Variants in EFNA4 observed in about 807,000 individuals in gnomAD.
The protein encoded by EFNA4 is ephrin-A4.
Under a neutral mutation model 23.7 loss-of-function variants are expected in EFNA4, and 22 were observed. The observed-to-expected ratio is 0.93, with a 90% CI of 0.66 to 1.32. The LOEUF (loss-of-function observed/expected upper bound fraction) is 1.32. EFNA4 is among the 40% of genes most tolerant of loss of function. The pLI, the probability that EFNA4 is intolerant of heterozygous loss-of-function variation, is 0.00. For synonymous variants in EFNA4, 113 were observed against 108.3 expected (o/e 1.04, Z -0.27); for missense variants, 252 against 252.3 (o/e 1.00, Z 0.01).
In EFNA4 at chr1:155,067,434, G is replaced by A. The variant is rs780848551; in HGVS notation, c.463G>A (p.Glu155Lys). Residue 155 changes from glutamate to lysine, a missense_variant, in exon 3 of 4, where the codon GAG (glutamate) becomes AAG (lysine). Glu to Lys is a moderately conservative substitution (Grantham distance 56). Transcript: ENST00000368409. ...GCTCCAGGTGTCTGTCTGCTGCAAG[G>A]AGAGGAGTAAGTGGGTTGGGAGCAT... The part of the protein sequence containing the change: ...LRLQVSVCCK[E>K]RKSESAHPVG... 2.1e-5 allele frequency: 34 copies of A among 1,614,058 alleles called. No individual in the cohort carries two copies. Among genetic ancestry groups the A allele is most frequent in the African/African-American group, 2.7e-5 (2 of 74,918 alleles).
intron 1 of EFNA4, among the ~76,000 whole-genome samples, chr1:155,065,104 A>G (rs1662977268): frequency 6.6e-6 from 1 of 152,210 alleles, no homozygotes; most frequent in Non-Finnish European, 1.5e-5. Flanking sequence ...ACAAATATTT[A>G]TTGAACACTG....
Position 155,063,754 on chromosome 1 carries a change from T to C in EFNA4, c.-70T>C. On this transcript the variant is annotated 5_prime_UTR_variant, in exon 1 of 4. Transcript: ENST00000368409. This position sits in a 1 kb window ranked among gnomAD's most constrained non-coding sequence, Gnocchi z 4.1. The stretch of plus-strand genomic sequence containing the variant: ...TTCCGCAACTTCCCTCTTCACTTTG[T>C]ACCTTTCTCTCCTCGACTGTGAAGC... 2 of 1,360,602 alleles carry C rather than the reference T, an allele frequency of 1.5e-6. No homozygotes were observed. Among genetic ancestry groups the C allele is most frequent in the Non-Finnish European group, 2.0e-6 (2 of 1,023,544 alleles). 84.3% of individuals were successfully genotyped at this position (1,360,602 alleles called of 1,614,324 possible).
rs780960543 is a variant in EFNA4, at chr1:155,063,847, G to C, written c.24G>C (p.Arg8=). The change falls in exon 1 of 4, where the codon CGG becomes CGC. Residue 8 remains arginine, a synonymous_variant. Coordinates refer to ENST00000368409, the MANE Select transcript of EFNA4 (RefSeq NM_005227.3). The surrounding 1 kb of genome is among the most constrained non-coding windows in gnomAD (Gnocchi z 4.1). ...CGATGCGGCTGCTGCCCCTGCTGCG[G>C]ACTGTCCTCTGGGCCGCGTTCCTCG... MRLLPLL[R]TVLWAAFLGS... is the part of the protein sequence containing the mutation. 1.9e-6 allele frequency: 3 copies of C among 1,547,406 alleles called. No homozygotes were observed. The South Asian group carries it at 3.6e-5, about 19-fold the overall frequency.
At position 155,066,850 on chromosome 1, in the gene EFNA4, GGACT is replaced by G; in HGVS notation, c.236_239del (p.Asp79GlyfsTer66). 6.2e-7 allele frequency: 1 copy of G among 1,614,054 alleles called. No individual in the cohort carries two copies. The highest frequency in any genetic ancestry group is 8.5e-7 in the Non-Finnish European group (1 of 1,180,024). On this transcript the variant is annotated frameshift_variant, in exon 2 of 4. Coordinates refer to ENST00000368409, the MANE Select transcript of EFNA4 (RefSeq NM_005227.3). LOFTEE classifies it high-confidence loss of function. Reference sequence around the variant, plus strand: ...CCGAGACGTTTGCTTTGTACATGGTGGACTGGCCAGGCTATGAGTCCTGCCAGGC... The same window carrying G: ...CCGAGACGTTTGCTTTGTACATGGTGGGCCAGGCTATGAGTCCTGCCAGGC...
Position 155,066,690 on chromosome 1 carries a change from G to A in EFNA4, c.114-40G>A. On this transcript the variant is annotated intron_variant, in intron 1 of 3. Coordinates refer to ENST00000368409, the MANE Select transcript of EFNA4 (RefSeq NM_005227.3). ...CTGGCATCCATGGCCATGGCGTGGT[G>A]CCCTCCACTCCTCAGCCCACCCCTG... 2.0e-6 allele frequency: 3 copies of A among 1,527,648 alleles called. No individual in the cohort carries two copies. The South Asian group carries it at 3.9e-5, about 20-fold the overall frequency. The allele number at this position is 1,527,648 out of a possible 1,614,324, so 94.6% of individuals were successfully genotyped here.
In EFNA4 at chr1:155,069,385, C is replaced by CT. The variant is rs1663128555; in HGVS notation, c.*397dup. 5.4e-6 allele frequency: 3 copies of CT among 555,608 alleles called. No individual in the cohort carries two copies. The highest frequency in any genetic ancestry group is 9.1e-6 in the Non-Finnish European group (3 of 328,152). 34.4% of individuals were successfully genotyped at this position (555,608 alleles called of 1,614,324 possible). On this transcript the variant is annotated 3_prime_UTR_variant, in exon 4 of 4. Transcript: ENST00000368409. The stretch of plus-strand genomic sequence containing the variant: ...AAGAAGAAGCCCTGCCATCTGTGCC[C>CT]TGTGGGCCTTTTCCCTGGGGCAGCA...
At chr1:155,067,087 G>A in intron 2 of EFNA4, 71 bp downstream of exon 2, 1 of 1,519,242 alleles carries the variant, frequency 6.6e-7, no homozygotes. Flanking sequence ...GAGAGGCCTG[G>A]AAGGAGGAGG....
Position 155,063,747 on chromosome 1 carries a change from C to T in EFNA4, c.-77C>T. The T allele has an allele frequency of 7.6e-7, 1 of 1,313,442 alleles. No individual in the cohort carries two copies. The highest frequency in any genetic ancestry group is 1.0e-6 in the Non-Finnish European group (1 of 990,086). The allele number at this position is 1,313,442 out of a possible 1,614,324, so 81.4% of individuals were successfully genotyped here. On this transcript the variant is annotated 5_prime_UTR_variant, in exon 1 of 4. Transcript: ENST00000368409. The surrounding 1 kb of genome is among the most constrained non-coding windows in gnomAD (Gnocchi z 4.1). Reference sequence around the variant, plus strand: ...CTCCCCTTTCCGCAACTTCCCTCTTCACTTTGTACCTTTCTCTCCTCGACT... The same window carrying T: ...CTCCCCTTTCCGCAACTTCCCTCTTTACTTTGTACCTTTCTCTCCTCGACT...
chr1:155,068,427 ATTTTTTTT>A (rs71077978), intron 3 of EFNA4, among the ~76,000 whole-genome samples: 7 of 25,376 alleles, frequency 2.8e-4, no homozygotes, highest in South Asian at 5.6e-3. Context: ...CACCCAGCTG[ATTTTTTTT>A]TTTTTTTTTT....
chr1:155,063,992 GC>G lies in EFNA4; in HGVS notation c.113+57del. 1 of 1,409,818 alleles carries G rather than the reference GC, an allele frequency of 7.1e-7. No individual in the cohort carries two copies. Among genetic ancestry groups the G allele is most frequent in the Admixed American group, 2.8e-5 (1 of 35,556 alleles). 87.3% of individuals were successfully genotyped at this position (1,409,818 alleles called of 1,614,324 possible). Reference sequence around the variant, plus strand: ...CCAAGTCTGCGCGCTCCCGGGCTTTGCGCGCGCCCGCCACCCGCTCTTTGCG... The same window carrying G: ...CCAAGTCTGCGCGCTCCCGGGCTTTGGCGCGCCCGCCACCCGCTCTTTGCG... On this transcript the variant is annotated intron_variant, in intron 1 of 3. Coordinates refer to ENST00000368409, the MANE Select transcript of EFNA4 (RefSeq NM_005227.3). The surrounding 1 kb of genome is among the most constrained non-coding windows in gnomAD (Gnocchi z 4.1).
At position 155,065,890 on chromosome 1, in the gene EFNA4, G is replaced by A. The variant is rs549115014; in HGVS notation, c.114-840G>A. 4.6e-5 allele frequency among the ~76,000 whole-genome samples: 7 copies of A among 151,942 alleles called. No individual in the cohort carries two copies. In the Middle Eastern group the frequency reaches 0.014, roughly 299 times the overall value. ...TGGGACTACAGGTGCCCGCCACCAC[G>A]CCCGGCTAGTTTTCTTTTTATATTC... On this transcript the variant is annotated intron_variant, in intron 1 of 3. Coordinates refer to ENST00000368409, the MANE Select transcript of EFNA4 (RefSeq NM_005227.3).
intron 1 of EFNA4, 136 bp downstream of exon 1, chr1:155,064,072 G>C: frequency 3.0e-6 from 2 of 659,290 alleles, no homozygotes; most frequent in Non-Finnish European, 4.7e-6. Flanking sequence ...GAGCCGGCGG[G>C]GGAGGGGGGA....
rs757599487 is a variant in EFNA4 at position 155,067,035 on chromosome 1, A to T, written c.400+19A>T. On this transcript the variant is annotated intron_variant, in intron 2 of 3. Coordinates refer to ENST00000368409, the MANE Select transcript of EFNA4 (RefSeq NM_005227.3). ...TACATCTGTGAGTGGCCAAGGGCAC[A>T]CTGGACACCTCTTGTGTACCAGAAG... 1.9e-6 allele frequency: 3 copies of T among 1,587,316 alleles called. No individual in the cohort carries two copies. In the South Asian group the frequency reaches 3.4e-5, roughly 18 times the overall value.
Position 155,063,849 on chromosome 1 carries a change from C to A in EFNA4, c.26C>A (p.Thr9Asn). ...ATGCGGCTGCTGCCCCTGCTGCGGA[C>A]TGTCCTCTGGGCCGCGTTCCTCGGC... MRLLPLLR[T>N]VLWAAFLGSP... The change falls in exon 1 of 4, where the codon ACT (threonine) becomes AAT (asparagine). Residue 9 changes from threonine to asparagine, a missense_variant. Physicochemically the swap from Thr to Asn is moderately conservative, Grantham distance 65. Coordinates refer to ENST00000368409, the MANE Select transcript of EFNA4 (RefSeq NM_005227.3). This position sits in a 1 kb window ranked among gnomAD's most constrained non-coding sequence, Gnocchi z 4.1. 1 of 1,548,150 alleles carries A rather than the reference C, an allele frequency of 6.5e-7. No homozygotes were observed. Among genetic ancestry groups the A allele is most frequent in the Non-Finnish European group, 8.7e-7 (1 of 1,147,706 alleles).
chr1:155,069,055 G>A lies in EFNA4; in HGVS notation c.*66G>A, dbSNP rs759796184. 6.2e-7 allele frequency: 1 copy of A among 1,611,698 alleles called. No homozygotes were observed. Among genetic ancestry groups the A allele is most frequent in the South Asian group, 1.1e-5 (1 of 90,954 alleles). On this transcript the variant is annotated 3_prime_UTR_variant, in exon 4 of 4. Coordinates refer to ENST00000368409, the MANE Select transcript of EFNA4 (RefSeq NM_005227.3). ...CTCCCAAGATCCCCTGGAGGAGGAG[G>A]GATCCCTGCTGCCTGCACTGGGGGT...
intron 1 of EFNA4, 138 bp downstream of exon 1, chr1:155,064,074 G>A: frequency 3.1e-6 from 2 of 637,862 alleles, no homozygotes; most frequent in South Asian, 2.3e-5. Flanking sequence ...GCCGGCGGGG[G>A]AGGGGGGAGG....
intron 3 of EFNA4, 46 bp from the exon 4 acceptor site, chr1:155,068,807 T>A (rs750750718): frequency 6.5e-7 from 1 of 1,542,170 alleles, no homozygotes; most frequent in South Asian, 1.2e-5. Context: ...GGAAGGAGGA[T>A]GGTAAAGTGG....
intron 1 of EFNA4, among the ~76,000 whole-genome samples, chr1:155,064,971 C>T (rs1016504501): frequency 6.6e-6 from 1 of 152,188 alleles, no homozygotes; most frequent in Non-Finnish European, 1.5e-5. Flanking sequence ...CTTTTGTTGT[C>T]CTTGGACTCT....
At position 155,063,845 on chromosome 1, in the gene EFNA4, C is replaced by T; in HGVS notation, c.22C>T (p.Arg8Trp). 6.5e-7 allele frequency: 1 copy of T among 1,545,942 alleles called. No homozygotes were observed. The highest frequency in any genetic ancestry group is 8.7e-7 in the Non-Finnish European group (1 of 1,146,728). ...GGCGATGCGGCTGCTGCCCCTGCTG[C>T]GGACTGTCCTCTGGGCCGCGTTCCT... Reference protein sequence around the residue: MRLLPLLRTVLWAAFLGS... With the variant: MRLLPLLWTVLWAAFLGS... Residue 8 changes from arginine (R) to tryptophan (W), a missense_variant, in exon 1 of 4, where the codon CGG becomes TGG. Transcript: ENST00000368409. This position sits in a 1 kb window ranked among gnomAD's most constrained non-coding sequence, Gnocchi z 4.1.
Sources: allele counts gnomAD v4.1 joint callset (sites outside exome capture counted in the v4.1 genomes callset), GRCh38; gene constraint gnomAD v4.1.1; non-coding constraint Gnocchi (gnomAD v3.1); transcripts MANE v1.5; gene names NCBI Gene and HGNC (gene_info 2026-07-23, HGNC 2026-07-21).